Variants in KBTBD2 observed in about 807,000 individuals in gnomAD.
The protein encoded by KBTBD2 is kelch repeat and BTB domain-containing protein 2.
Under a neutral mutation model 57.1 loss-of-function variants are expected in KBTBD2, and 17 were observed. The observed-to-expected ratio is 0.30, with a 90% CI of 0.20 to 0.45. The LOEUF (loss-of-function observed/expected upper bound fraction) is 0.45. Ranked by LOEUF, KBTBD2 falls within the 20% of genes least tolerant of loss-of-function variation. The probability of loss-of-function intolerance (pLI) is 1.00; values close to 1 mark genes in which losing one functional copy is unlikely to be tolerated. For missense variants in KBTBD2, 515 were observed against 750.6 expected (o/e 0.69, Z 3.67); for synonymous variants, 267 against 262.7 (o/e 1.02, Z -0.16).
intron 1 of KBTBD2, among the ~76,000 whole-genome samples, chr7:32,886,806 TAAAG>T (rs1193495755): frequency 6.6e-6 from 1 of 152,208 alleles, no homozygotes; most frequent in Non-Finnish European, 1.5e-5. Flanking sequence ...TTAATACTCA[TAAAG>T]AGATAAGTGA....
chr7:32,872,625 T>C (rs1240834053), intron 3 of KBTBD2, among the ~76,000 whole-genome samples: 3 of 152,164 alleles, frequency 2.0e-5, no homozygotes, highest in Admixed American at 6.5e-5. Flanking sequence ...CAGTGAGCTG[T>C]GATCTCACCA....
chr7:32,869,274 A>G lies in KBTBD2; in HGVS notation c.*71T>C. The G allele has an allele frequency of 8.9e-7, 1 of 1,127,152 alleles. No homozygotes were observed. Among genetic ancestry groups the G allele is most frequent in the Admixed American group, 2.3e-5 (1 of 42,630 alleles). The allele number at this position is 1,127,152 out of a possible 1,614,324, so 69.8% of individuals were successfully genotyped here. A position where few individuals can be genotyped will look rare whatever the true frequency, so the allele number is the denominator to read the frequency against. On this transcript the variant is annotated 3_prime_UTR_variant, in exon 4 of 4. Transcript: ENST00000304056. ...TTATGTACTCATATTTAGTTCTTTC[A>G]TAGCCTCTTTTGTTTAGCAAAGAAA...
At position 32,868,464 on chromosome 7, in the gene KBTBD2, A is replaced by G. The variant is rs1784080175; in HGVS notation, c.*881T>C. On this transcript the variant is annotated 3_prime_UTR_variant, in exon 4 of 4. Coordinates refer to ENST00000304056, the MANE Select transcript of KBTBD2 (RefSeq NM_015483.3). ...ACACCCTGACAGCTAACAGATCTAT[A>G]CACAATCACTCTACAGTAATGCTTG... 1 of 152,632 alleles carries G rather than the reference A, an allele frequency of 6.6e-6. No individual in the cohort carries two copies. The highest frequency in any genetic ancestry group is 1.5e-5 in the Non-Finnish European group (1 of 68,038). The allele number at this position is 152,632 out of a possible 1,614,324, so 9.5% of individuals were successfully genotyped here. A position where few individuals can be genotyped will look rare whatever the true frequency, so the allele number is the denominator to read the frequency against.
intron 3 of KBTBD2, among the ~76,000 whole-genome samples, chr7:32,872,054 A>C (rs940381643): frequency 1.3e-5 from 2 of 152,192 alleles, no homozygotes; most frequent in African/African-American, 4.8e-5. Flanking sequence ...ACAAAAAATT[A>C]GCTGGATGTG....
Position 32,870,317 on chromosome 7 carries a change from G to A in KBTBD2, c.900C>T (p.Ser300=). The A allele has an allele frequency of 6.2e-7, 1 of 1,613,996 alleles. No individual in the cohort carries two copies. The change falls in exon 4 of 4, where the codon AGC becomes AGT. Residue 300 remains serine (S), a synonymous_variant. Transcript: ENST00000304056. The part of the protein sequence containing the change: ...PQAEKVYKLC[S]PPADLHKVGT... ...CAACCTTATGCAAATCAGCTGGTGGGCTACATAACTTGTAAACTTTTTCTG... is the reference window on the plus strand; with the variant it reads ...CAACCTTATGCAAATCAGCTGGTGGACTACATAACTTGTAAACTTTTTCTG...
chr7:32,875,924 T>C (rs923824376), intron 2 of KBTBD2, among the ~76,000 whole-genome samples: 39 of 152,306 alleles, frequency 2.6e-4, no homozygotes, highest in African/African-American at 9.1e-4. Flanking sequence ...CACAAAGTGA[T>C]AAAAGTGCTC....
At chr7:32,887,034 A>C (rs1784597935) in intron 1 of KBTBD2, among the ~76,000 whole-genome samples, 1 of 152,198 alleles carries the variant, frequency 6.6e-6, no homozygotes. Context: ...AGAGGTGTGT[A>C]CTTTGTAGCA....
intron 2 of KBTBD2, among the ~76,000 whole-genome samples, chr7:32,878,250 CA>C (rs1784362089): frequency 6.6e-6 from 1 of 152,158 alleles, no homozygotes; most frequent in South Asian, 2.1e-4. Context: ...CCTGAAAGGT[CA>C]AATGAAATCT....
intron 1 of KBTBD2, among the ~76,000 whole-genome samples, chr7:32,886,526 T>C (rs1487486171): frequency 6.6e-6 from 1 of 152,178 alleles, no homozygotes; most frequent in Non-Finnish European, 1.5e-5. Context: ...TGGGAGGATA[T>C]GCACAGGTTA....
intron 3 of KBTBD2, among the ~76,000 whole-genome samples, chr7:32,872,189 G>A (rs1295600642): frequency 1.3e-5 from 2 of 152,224 alleles, no homozygotes; most frequent in South Asian, 4.1e-4. Flanking sequence ...CTGCATTCCA[G>A]CCTGGGCAAC....
chr7:32,889,303 A>G (rs1170594639), intron 1 of KBTBD2, among the ~76,000 whole-genome samples: 1 of 151,170 alleles, frequency 6.6e-6, no homozygotes, highest in Non-Finnish European at 1.5e-5. Flanking sequence ...AAAAAAAAAA[A>G]AAAAATTACT....
intron 1 of KBTBD2, among the ~76,000 whole-genome samples, chr7:32,885,625 A>T (rs2127956455): frequency 6.6e-6 from 1 of 152,288 alleles, no homozygotes; most frequent in African/African-American, 2.4e-5. Flanking sequence ...ATTAGTAAGA[A>T]AGTCCTATAT....
chr7:32,883,377 ACT>A (rs1399620388), intron 1 of KBTBD2, among the ~76,000 whole-genome samples: 1 of 152,102 alleles, frequency 6.6e-6, no homozygotes, highest in African/African-American at 2.4e-5. Context: ...ACACAGCAAG[ACT>A]CTGTCTCACG....
intron 1 of KBTBD2, among the ~76,000 whole-genome samples, chr7:32,881,954 T>C (rs1784454917): frequency 1.3e-5 from 2 of 152,190 alleles, no homozygotes; most frequent in Non-Finnish European, 2.9e-5. Context: ...TCAAGAAGTC[T>C]CAGGTAGCAA....
intron 2 of KBTBD2, 140 bp downstream of exon 2, chr7:32,879,295 C>G: frequency 1.7e-6 from 1 of 593,152 alleles, no homozygotes; most frequent in South Asian, 2.3e-5. Flanking sequence ...CTTACACATG[C>G]AAGAATGAGA....
chr7:32,885,180 A>T (rs1295001624), intron 1 of KBTBD2, among the ~76,000 whole-genome samples: 1 of 151,494 alleles, frequency 6.6e-6, no homozygotes, highest in Non-Finnish European at 1.5e-5. Context: ...CTGGCCTTAC[A>T]CTGCTTCTTG....
At chr7:32,891,244 C>T (rs1185082042) in intron 1 of KBTBD2, 1 of 149,928 alleles carries the variant, frequency 6.7e-6, no homozygotes, top group Non-Finnish European at 1.5e-5. Flanking sequence ...CGCCCGGTGC[C>T]GGGGCCGGAA....
At position 32,870,229 on chromosome 7, in the gene KBTBD2, T is replaced by A; in HGVS notation, c.988A>T (p.Thr330Ser). 1 of 1,614,188 alleles carries A rather than the reference T, an allele frequency of 6.2e-7. No homozygotes were observed. The highest frequency in any genetic ancestry group is 8.5e-7 in the Non-Finnish European group (1 of 1,180,032). The change falls in exon 4 of 4, where the codon ACA becomes TCA. Residue 330 changes from threonine to serine, a missense_variant. Physicochemically the swap from Thr to Ser is moderately conservative, Grantham distance 58. Transcript: ENST00000304056. ...CTTGTTTTACTGTGATTTGTTTTTG[T>A]GTTTTTCAGAGGAACTTGACCCCCT... The part of the protein sequence containing the change: ...IAGGQVPLKN[T>S]KTNHSKTSKL...
At chr7:32,891,920 C>G (rs1211192535), upstream of KBTBD2, 2 of 134,770 alleles carry the variant, frequency 1.5e-5, no homozygotes, top group Non-Finnish European at 3.3e-5. Context: ...CGCGCGCTCT[C>G]GCCCCCGCCC....
Sources: gnomAD v4.1 joint callset for allele counts (sites outside exome capture counted in the v4.1 genomes callset) on GRCh38, gnomAD v4.1.1 for gene constraint, MANE v1.5 for transcripts, NCBI Gene and HGNC (gene_info 2026-07-23, HGNC 2026-07-21) for gene names.